The following GPR137B variants were observed in gnomAD, a reference collection of about 807,000 sequenced individuals.
GPR137B encodes integral membrane protein GPR137B.
In GPR137B, 42 loss-of-function variants were observed where a neutral mutation model predicts 42.5. That is an observed-to-expected ratio of 0.99 (90% confidence interval 0.77 to 1.28). The LOEUF is 1.28. GPR137B is among the 50% of genes most tolerant of loss of function. The pLI is 0.00. For missense variants in GPR137B, 487 were observed against 493.9 expected (o/e 0.99, Z 0.13); for synonymous variants, 218 against 209.7 (o/e 1.04, Z -0.34).
chr1:236,171,678 T>C lies in GPR137B; in HGVS notation c.464+2923T>C, dbSNP rs182368630. Among the ~76,000 whole-genome samples the C allele has an allele frequency of 1.7e-3, 257 of 152,254 alleles. 1 individual carries two copies. The highest frequency in any genetic ancestry group is 5.7e-3 in the African/African-American group (236 of 41,542). ...GCTGCGCTGACATGTATGGCTGCATTTTATTGGGAAGGGATTCACAGAAAT... is the reference window on the plus strand; with the variant it reads ...GCTGCGCTGACATGTATGGCTGCATCTTATTGGGAAGGGATTCACAGAAAT... On this transcript the variant is annotated intron_variant, in intron 2 of 6. Transcript: ENST00000366592. This position sits in a 1 kb window ranked among gnomAD's most constrained non-coding sequence, Gnocchi z 4.4.
intron 5 of GPR137B, among the ~76,000 whole-genome samples, chr1:236,186,120 T>C (rs1363391500): frequency 2.0e-5 from 3 of 146,440 alleles, no homozygotes; most frequent in Non-Finnish European, 4.5e-5. Context: ...TCTTTTTTAT[T>C]GCCAAATAAA....
chr1:236,202,932 TC>T (rs1663538310), intron 5 of GPR137B, among the ~76,000 whole-genome samples: 1 of 152,232 alleles, frequency 6.6e-6, no homozygotes, highest in African/African-American at 2.4e-5. Flanking sequence ...CATATGGATA[TC>T]TAGTTTTCCC....
At chr1:236,161,262 G>A (rs12026535) in intron 1 of GPR137B, among the ~76,000 whole-genome samples, 13 of 152,054 alleles carry the variant, frequency 8.5e-5, no homozygotes, top group East Asian at 7.8e-4. Flanking sequence ...GAAGCTCTCC[G>A]CACCCTTACC....
At chr1:236,162,819 G>A (rs930012840) in intron 1 of GPR137B, among the ~76,000 whole-genome samples, 1 of 152,246 alleles carries the variant, frequency 6.6e-6, no homozygotes, top group Non-Finnish European at 1.5e-5. Flanking sequence ...AAAGTTTGCT[G>A]TGGGGGTGGG....
At chr1:236,144,084 G>A (rs1008721732) in intron 1 of GPR137B, among the ~76,000 whole-genome samples, 2 of 85,654 alleles carry the variant, frequency 2.3e-5, no homozygotes, top group Admixed American at 2.4e-4. Flanking sequence ...CCTTTTAAGT[G>A]TCTTTTTTTT....
At chr1:236,152,242 G>A (rs991706114) in intron 1 of GPR137B, among the ~76,000 whole-genome samples, 6 of 151,272 alleles carry the variant, frequency 4.0e-5, no homozygotes, top group Non-Finnish European at 7.4e-5. Context: ...CAGGAGGTTC[G>A]CTTGAGCCCA....
rs12046060 is a variant in GPR137B, at chr1:236,194,755, C to T, written c.967-10371C>T. On this transcript the variant is annotated intron_variant, in intron 5 of 6. Transcript: ENST00000366592. ...TGATACTGAAAACTGGCAATGACCTCTAGGGTGTACCTGAGACCAGTCATT... is the reference window on the plus strand; with the variant it reads ...TGATACTGAAAACTGGCAATGACCTTTAGGGTGTACCTGAGACCAGTCATT... 9.9e-3 allele frequency among the ~76,000 whole-genome samples: 1,500 copies of T among 152,224 alleles called. 49 individuals are homozygous for T. The East Asian group carries it at 0.12, about 12-fold the overall frequency.
chr1:236,206,322 A>G (rs1044502284), intron 6 of GPR137B, among the ~76,000 whole-genome samples: 4 of 152,198 alleles, frequency 2.6e-5, no homozygotes, highest in African/African-American at 9.6e-5. Context: ...TCAGGCTACA[A>G]TTCTAACTCA....
Position 236,171,731 on chromosome 1 carries a change from T to C in GPR137B, c.464+2976T>C, listed in dbSNP as rs984233165. On this transcript the variant is annotated intron_variant, in intron 2 of 6. Transcript: ENST00000366592. This position sits in a 1 kb window ranked among gnomAD's most constrained non-coding sequence, Gnocchi z 4.4. ...AGGGAGAAGATGGGGAGAAATAAAT[T>C]TGGATCCAGATGTTAAAAGTGAGAT... is the stretch of plus-strand genomic sequence containing the variant. Among the ~76,000 whole-genome samples the C allele has an allele frequency of 2.0e-4, 31 of 151,986 alleles. 1 individual carries two copies. Among genetic ancestry groups the C allele is most frequent in the African/African-American group, 7.0e-4 (29 of 41,370 alleles).
chr1:236,198,748 C>T (rs1455755385), intron 5 of GPR137B, among the ~76,000 whole-genome samples: 1 of 151,986 alleles, frequency 6.6e-6, no homozygotes, highest in Non-Finnish European at 1.5e-5. Context: ...GGCTGAGTTC[C>T]TTATTTGATT....
rs1558491332 is a variant in GPR137B at position 236,186,235 on chromosome 1, A to ATAATAT, written c.966+2329_966+2330insTAATAT. On this transcript the variant is annotated intron_variant, in intron 5 of 6. Coordinates refer to ENST00000366592, the MANE Select transcript of GPR137B (RefSeq NM_003272.4). ...ATATATTATATATAATATAATATAT[A>ATAATAT]ATAATATAAATAATATATAATATAT... Among the ~76,000 whole-genome samples, 150 of 25,838 alleles carry ATAATAT rather than the reference A, an allele frequency of 5.8e-3. 1 individual carries two copies. The highest frequency in any genetic ancestry group is 0.012 in the Non-Finnish European group (119 of 9,616). The allele number at this position is 25,838 out of a possible 152,430, so 17.0% of individuals were successfully genotyped here.
chr1:236,144,150 G>A (rs767870960), intron 1 of GPR137B, among the ~76,000 whole-genome samples: 8 of 151,758 alleles, frequency 5.3e-5, no homozygotes, highest in Non-Finnish European at 1.0e-4. Context: ...ATGCGGTGGC[G>A]CATGCCTGTC....
At chr1:236,182,802 T>C (rs2102913411) in intron 4 of GPR137B, among the ~76,000 whole-genome samples, 1 of 152,266 alleles carries the variant, frequency 6.6e-6, no homozygotes, top group Admixed American at 6.5e-5. Flanking sequence ...TGACAATCTT[T>C]AAAATTCTTC....
In GPR137B at chr1:236,155,818, T is replaced by C. The variant is rs1247645861; in HGVS notation, c.414+12782T>C. On this transcript the variant is annotated intron_variant, in intron 1 of 6. Transcript: ENST00000366592. The surrounding 1 kb of genome is among the most constrained non-coding windows in gnomAD (Gnocchi z 4.6). ...ACAGTGAGTGGAGATGCCCTTTATC[T>C]ATAAAGGTAAAGACTGTTATCCCAT... Among the ~76,000 whole-genome samples the C allele has an allele frequency of 6.6e-6, 1 of 152,144 alleles. No individual in the cohort carries two copies. The highest frequency in any genetic ancestry group is 2.4e-5 in the African/African-American group (1 of 41,416).
At chr1:236,173,564 C>T (rs1300327634) in intron 2 of GPR137B, among the ~76,000 whole-genome samples, 2 of 152,154 alleles carry the variant, frequency 1.3e-5, no homozygotes, top group Admixed American at 6.5e-5. Flanking sequence ...CTTGAAGACT[C>T]GCCTCATCCC....
intron 6 of GPR137B, among the ~76,000 whole-genome samples, chr1:236,206,016 A>G (rs2102928519): frequency 6.6e-6 from 1 of 152,352 alleles, no homozygotes; most frequent in African/African-American, 2.4e-5. Context: ...TATTAGAATA[A>G]ATTATACATT....
At chr1:236,169,216 A>AGGTGCAGGTG (rs1208254310) in intron 2 of GPR137B, among the ~76,000 whole-genome samples, 4,001 of 131,194 alleles carry the variant, frequency 0.03, 129 homozygotes, top group East Asian at 0.14. Flanking sequence ...AGGTGCAGGT[A>AGGTGCAGGTG]CAGGTACAGG....
At chr1:236,153,368 C>T (rs948752979) in intron 1 of GPR137B, among the ~76,000 whole-genome samples, 3 of 152,230 alleles carry the variant, frequency 2.0e-5, no homozygotes, top group Middle Eastern at 3.2e-3. Flanking sequence ...TCAAAGGAAT[C>T]ATACAATGTG....
rs191840688 is a variant in GPR137B, at chr1:236,182,100, C to A, written c.838-1678C>A. ...GTAGAGACGGGTTTCATCATATAGG[C>A]CAGGCTGGTCTTGAACTCCTGACCT... On this transcript the variant is annotated intron_variant, in intron 4 of 6. Transcript: ENST00000366592. 3.6e-3 allele frequency among the ~76,000 whole-genome samples: 553 copies of A among 151,988 alleles called. 7 individuals are homozygous for A. The highest frequency in any genetic ancestry group is 0.013 in the African/African-American group (533 of 41,450).
Sources: allele counts gnomAD v4.1 joint callset (sites outside exome capture counted in the v4.1 genomes callset), GRCh38; gene constraint gnomAD v4.1.1; non-coding constraint Gnocchi (gnomAD v3.1); transcripts MANE v1.5; gene names NCBI Gene and HGNC (gene_info 2026-07-23, HGNC 2026-07-21).